Variants in C19orf44 observed in about 807,000 individuals in gnomAD.
C19orf44 encodes the protein chromosome 19 open reading frame 44, also known as uncharacterized protein C19orf44.
In C19orf44, 43 loss-of-function variants were observed where a neutral mutation model predicts 50.7. The ratio of observed to expected loss-of-function variants is 0.85; its 90% CI spans 0.66 to 1.09. C19orf44 has a LOEUF of 1.09. Among genes scored for constraint, C19orf44 ranks in the 50% least tolerant of loss-of-function variants. C19orf44 has a pLI of 0.00. For synonymous variants in C19orf44, 298 were observed against 334.7 expected, an observed-to-expected ratio of 0.89 and a Z score of 1.20; for missense variants, 722 against 836.2, an observed-to-expected ratio of 0.86 and a Z score of 1.68.
At chr19:16,506,588 A>C in intron 3 of C19orf44, 113 bp from the exon 4 acceptor site, 5 of 714,236 alleles carry the variant, frequency 7.0e-6, no homozygotes, top group Non-Finnish European at 1.1e-5. Context: ...GTGAGACTCT[A>C]TCTCAAAAAA....
intron 5 of C19orf44, among the ~76,000 whole-genome samples, chr19:16,512,445 C>T (rs1249742244): frequency 6.6e-6 from 1 of 152,160 alleles, no homozygotes; most frequent in Non-Finnish European, 1.5e-5. Flanking sequence ...ACATCCTCCA[C>T]TGCTCTCGAC....
At chr19:16,507,842 T>G (rs1358689269) in intron 4 of C19orf44, among the ~76,000 whole-genome samples, 9 of 151,484 alleles carry the variant, frequency 5.9e-5, no homozygotes, top group African/African-American at 2.2e-4. Flanking sequence ...CTCGCTCTGC[T>G]GCCCAGGCTG....
intron 5 of C19orf44, among the ~76,000 whole-genome samples, chr19:16,511,182 A>C (rs1285278087): frequency 3.3e-5 from 5 of 151,822 alleles, no homozygotes; most frequent in African/African-American, 1.2e-4. Flanking sequence ...GATTACAGGT[A>C]TGTGCCACCA....
rs751027426 is a variant in C19orf44, at chr19:16,501,483, GAA to G, written c.697_698del (p.Asn233HisfsTer9). ...LLGSLMDSSR[E>X]KNTNQGFSSA... ...AGGAAGCTTGATGGACTCTTCTAGA[GAA>G]AAAAACACGAATCAAGGCTTCAGCA... On this transcript the variant is annotated frameshift_variant, in exon 2 of 9. Transcript: ENST00000221671. LOFTEE classifies it high-confidence loss of function. 2 of 1,600,482 alleles carry G rather than the reference GAA, an allele frequency of 1.2e-6. No homozygotes were observed. The highest frequency in any genetic ancestry group is 3.5e-5 in the Admixed American group (2 of 57,336).
intron 8 of C19orf44, 24 bp downstream of exon 8, chr19:16,517,365 GCA>G: frequency 2.1e-6 from 3 of 1,422,730 alleles, no homozygotes; most frequent in East Asian, 4.6e-5. Context: ...TGTACTCAGT[GCA>G]CACACACGCA....
At chr19:16,504,603 G>GT (rs11340318) in intron 3 of C19orf44, among the ~76,000 whole-genome samples, 61 of 147,934 alleles carry the variant, frequency 4.1e-4, no homozygotes, top group East Asian at 1.6e-3. Context: ...TCTTCTGTCT[G>GT]TTTTTTTTTT....
chr19:16,515,535 T>A (rs959714283), intron 7 of C19orf44, among the ~76,000 whole-genome samples: 6 of 152,176 alleles, frequency 3.9e-5, no homozygotes, highest in South Asian at 2.1e-4. Context: ...TTCTTTTTTT[T>A]AAAATTTTTT....
rs1278664172 is a variant in C19orf44 at position 16,521,013 on chromosome 19, A to G, written c.*960A>G. 7 of 1,019,752 alleles carry G rather than the reference A, an allele frequency of 6.9e-6. No individual in the cohort carries two copies. The African/African-American group carries it at 7.8e-5, about 11-fold the overall frequency. 63.2% of individuals were successfully genotyped at this position (1,019,752 alleles called of 1,614,324 possible). On this transcript the variant is annotated 3_prime_UTR_variant, in exon 9 of 9. Transcript: ENST00000221671. ...TAATCCACAGAACCTTGGAGAGTAC[A>G]TGGCCCTGTGGCTGTGGGCTCCGAG...
Position 16,514,585 on chromosome 19 carries a change from C to A in C19orf44, c.1824C>A (p.Ser608Arg). 6.2e-7 allele frequency: 1 copy of A among 1,608,208 alleles called. No individual in the cohort carries two copies. Among genetic ancestry groups the A allele is most frequent in the Admixed American group, 1.7e-5 (1 of 59,236 alleles). Residue 608 changes from serine to arginine, a missense_variant, in exon 7 of 9, where the codon AGC becomes AGA. Transcript: ENST00000221671. ...TGACGCAGCAGTTCATCCAGGCCAG[C>A]CGGCACCTGCACGCCTCCCTCCTGC... ...LSLTQQFIQA[S>R]RHLHASLLRS...
chr19:16,502,825 A>C (rs1249394236), intron 2 of C19orf44, among the ~76,000 whole-genome samples: 2 of 115,394 alleles, frequency 1.7e-5, no homozygotes, highest in Admixed American at 8.4e-5. Context: ...CCATTCCTAC[A>C]AAAAAAAAAA....
Position 16,513,054 on chromosome 19 carries a change from C to T in C19orf44, c.1680C>T (p.Ala560=), listed in dbSNP as rs1175474932. 6.2e-7 allele frequency: 1 copy of T among 1,613,640 alleles called. No individual in the cohort carries two copies. Among genetic ancestry groups the T allele is most frequent in the Non-Finnish European group, 8.5e-7 (1 of 1,180,030 alleles). The change falls in exon 6 of 9, where the codon GCC becomes GCT. Residue 560 remains alanine (A), a synonymous_variant. Transcript: ENST00000221671. ...MAAMGPALGG[A]YVDPTPIANH... ...CCATGGGGCCTGCCCTGGGAGGCGC[C>T]TACGTGGACCCGACACCCATCGCCA...
In C19orf44 at chr19:16,514,487, G is replaced by A. The variant is rs775472591; in HGVS notation, c.1736-10G>A. 1.3e-6 allele frequency: 2 copies of A among 1,593,698 alleles called. No homozygotes were observed. Among genetic ancestry groups the A allele is most frequent in the Non-Finnish European group, 1.7e-6 (2 of 1,168,760 alleles). On this transcript the variant is annotated splice_polypyrimidine_tract_variant and intron_variant, in intron 6 of 8. Transcript: ENST00000221671. ...CAGCGAAGCCACCGAGTAACGCGGA[G>A]CTGGGTCAGCCCTGACCGCTTACAG...
At chr19:16,512,589 G>C (rs1188454130) in intron 5 of C19orf44, among the ~76,000 whole-genome samples, 1 of 152,042 alleles carries the variant, frequency 6.6e-6, no homozygotes, top group Non-Finnish European at 1.5e-5. Flanking sequence ...AAAAAGTAAA[G>C]AAGGGCCGGG....
chr19:16,510,015 G>A, intron 5 of C19orf44, 27 bp downstream of exon 5: 1 of 1,614,034 alleles, frequency 6.2e-7, no homozygotes, highest in South Asian at 1.1e-5. Context: ...GTGGGGGCCG[G>A]GGCAGCCGGG....
chr19:16,500,558 T>C (rs1487430450), intron 1 of C19orf44, among the ~76,000 whole-genome samples: 4 of 151,926 alleles, frequency 2.6e-5, no homozygotes, highest in Admixed American at 2.0e-4. Flanking sequence ...TTTGCCAGGA[T>C]GGTCTCAATC....
chr19:16,520,502 G>A lies in C19orf44; in HGVS notation c.*449G>A. 1.2e-6 allele frequency: 2 copies of A among 1,612,556 alleles called. No individual in the cohort carries two copies. The highest frequency in any genetic ancestry group is 1.1e-5 in the South Asian group (1 of 90,826). ...CTTGGATCTGCTCCGAGACCTCGAG[G>A]GTCCGCTGTGGGGAGAGGCCTGATG... On this transcript the variant is annotated 3_prime_UTR_variant, in exon 9 of 9. Coordinates refer to ENST00000221671, the MANE Select transcript of C19orf44 (RefSeq NM_032207.4). This position sits in a 1 kb window ranked among gnomAD's most constrained non-coding sequence, Gnocchi z 4.0.
chr19:16,498,615 G>C (rs1046469925), intron 1 of C19orf44, among the ~76,000 whole-genome samples: 1 of 151,392 alleles, frequency 6.6e-6, no homozygotes, highest in Non-Finnish European at 1.5e-5. Flanking sequence ...CACTTGTTAC[G>C]TGTATTTTTG....
intron 5 of C19orf44, among the ~76,000 whole-genome samples, chr19:16,512,014 CAAAAAAAAAAAA>C (rs1203102155): frequency 1.1e-4 from 5 of 47,404 alleles, no homozygotes; most frequent in African/African-American, 1.8e-4. Flanking sequence ...GACTCTGTCT[CAAAAAAAAAAAA>C]AAAAAAAAAA....
At chr19:16,508,796 C>T (rs558196774) in intron 4 of C19orf44, among the ~76,000 whole-genome samples, 7 of 151,582 alleles carry the variant, frequency 4.6e-5, no homozygotes, top group Admixed American at 4.0e-4. Context: ...CCGCCTCAGC[C>T]ACCTAACATT....
Sources: allele counts gnomAD v4.1 joint callset (sites outside exome capture counted in the v4.1 genomes callset), GRCh38; gene constraint gnomAD v4.1.1; non-coding constraint Gnocchi (gnomAD v3.1); transcripts MANE v1.5; gene names NCBI Gene and HGNC (gene_info 2026-07-23, HGNC 2026-07-21).